Variants in SEC14L5 observed in about 807,000 individuals in gnomAD.
SEC14L5 encodes the protein SEC14-like protein 5.
Under a neutral mutation model 84.6 loss-of-function variants are expected in SEC14L5, and 96 were observed. That is an observed-to-expected ratio of 1.13 (90% CI 0.96 to 1.34). The LOEUF is 1.34. Ranked by LOEUF, SEC14L5 falls within the 40% of genes most tolerant of loss-of-function variation. The probability of loss-of-function intolerance (pLI) is 0.00; values close to 1 mark genes in which losing one functional copy is unlikely to be tolerated. For missense variants in SEC14L5, 1,224 were observed against 942.5 expected (o/e 1.30, Z -3.91); for synonymous variants, 546 against 383.4 (o/e 1.42, Z -4.95).
At chr16:4,993,385 G>T (rs1275883355) in intron 6 of SEC14L5, among the ~76,000 whole-genome samples, 1 of 152,150 alleles carries the variant, frequency 6.6e-6, no homozygotes, top group African/African-American at 2.4e-5. Context: ...GGGATTACAG[G>T]CATGTGCCAC....
At chr16:4,959,873 A>T (rs989662944) in intron 2 of SEC14L5, among the ~76,000 whole-genome samples, 2 of 152,188 alleles carry the variant, frequency 1.3e-5, no homozygotes, top group Non-Finnish European at 2.9e-5. Flanking sequence ...TAAGTTCTGT[A>T]TCTACGCAGA....
chr16:4,984,305 T>C (rs891152749), intron 2 of SEC14L5, among the ~76,000 whole-genome samples: 1 of 152,240 alleles, frequency 6.6e-6, no homozygotes, highest in Non-Finnish European at 1.5e-5. Context: ...TATTTTGTGA[T>C]TGGCTACTTG....
At position 5,014,988 on chromosome 16, in the gene SEC14L5, G is replaced by T; in HGVS notation, c.*18G>T. ...CCAGATAGCCGGGCCCAGTGTTTCA[G>T]GGCCGCCCGCTCGCCTCCAGTGTCC... On this transcript the variant is annotated 3_prime_UTR_variant, in exon 16 of 16. Coordinates refer to ENST00000251170, the MANE Select transcript of SEC14L5 (RefSeq NM_014692.2). 1 of 1,580,984 alleles carries T rather than the reference G, an allele frequency of 6.3e-7. No individual in the cohort carries two copies. Among genetic ancestry groups the T allele is most frequent in the Non-Finnish European group, 8.6e-7 (1 of 1,156,194 alleles).
Position 4,991,938 on chromosome 16 carries a change from G to C in SEC14L5, c.575G>C (p.Arg192Pro), listed in dbSNP as rs1285783063. 1.2e-6 allele frequency: 2 copies of C among 1,602,300 alleles called. No homozygotes were observed. The highest frequency in any genetic ancestry group is 8.5e-7 in the Non-Finnish European group (1 of 1,177,192). ...TPAPVREEDA[R>P]NQAGPRDPSS... ...GCCCCAGTCCGTGAGGAGGATGCCC[G>C]CAACCAGGCTGGACCGAGGGACCCC... is the stretch of plus-strand genomic sequence containing the variant. Residue 192 changes from arginine to proline, a missense_variant, in exon 6 of 16, where the codon CGC becomes CCC. Coordinates refer to ENST00000251170, the MANE Select transcript of SEC14L5 (RefSeq NM_014692.2).
In SEC14L5 at chr16:4,987,508, GT is replaced by G. The variant is rs758589438; in HGVS notation, c.64-48del. ...TAAGGAGGTCGCGCTGGGGGGGGGG[GT>G]CCCTCTGCCCCCCCCACCACGGCCG... On this transcript the variant is annotated intron_variant, in intron 2 of 15. Coordinates refer to ENST00000251170, the MANE Select transcript of SEC14L5 (RefSeq NM_014692.2). 488 of 1,445,124 alleles carry G rather than the reference GT, an allele frequency of 3.4e-4. 6 individuals carry two copies. In the African/African-American group the frequency reaches 6.5e-3, roughly 19 times the overall value. 89.5% of individuals were successfully genotyped at this position (1,445,124 alleles called of 1,614,324 possible).
chr16:4,969,032 G>T (rs558699758), intron 2 of SEC14L5, among the ~76,000 whole-genome samples: 1 of 152,324 alleles, frequency 6.6e-6, no homozygotes, highest in African/African-American at 2.4e-5. Flanking sequence ...CAAAGCGGCC[G>T]GGGCCTTATT....
chr16:4,995,784 G>A (rs1282814009), intron 6 of SEC14L5, among the ~76,000 whole-genome samples: 1 of 151,892 alleles, frequency 6.6e-6, no homozygotes, highest in Non-Finnish European at 1.5e-5. Context: ...GTGCCACCAC[G>A]CCTGGCTAAT....
At chr16:4,986,431 C>T (rs1837789809) in intron 2 of SEC14L5, among the ~76,000 whole-genome samples, 1 of 152,236 alleles carries the variant, frequency 6.6e-6, no homozygotes, top group African/African-American at 2.4e-5. Context: ...TGAGCCACCA[C>T]ACCTGGCCTG....
chr16:4,963,210 C>G (rs184255840), intron 2 of SEC14L5, among the ~76,000 whole-genome samples: 65 of 152,270 alleles, frequency 4.3e-4, no homozygotes, highest in African/African-American at 1.6e-3. Flanking sequence ...CTAGACCTGG[C>G]TTTAAACATT....
intron 2 of SEC14L5, 27 bp downstream of exon 2, chr16:4,959,413 C>T (rs1214433350): frequency 1.2e-6 from 2 of 1,607,010 alleles, no homozygotes; most frequent in Admixed American, 3.3e-5. Context: ...TCTTGGGCCC[C>T]CATGTGACAG....
chr16:4,976,117 G>A (rs1955335475), intron 2 of SEC14L5, among the ~76,000 whole-genome samples: 1 of 152,178 alleles, frequency 6.6e-6, no homozygotes, highest in Non-Finnish European at 1.5e-5. Flanking sequence ...TACTTAAATG[G>A]TGATGTAGAA....
At chr16:5,003,377 G>A (rs573368635) in intron 10 of SEC14L5, 25 bp from the exon 11 acceptor site, 109 of 1,601,652 alleles carry the variant, frequency 6.8e-5, no homozygotes, top group Non-Finnish European at 8.4e-5. Context: ...AGAGCCAGGT[G>A]GAGCTGGGGC....
At position 4,987,497 on chromosome 16, in the gene SEC14L5, T is replaced by TGGGCGGC. The variant is rs752674745; in HGVS notation, c.64-57_64-56insCGGCGGG. On this transcript the variant is annotated intron_variant, in intron 2 of 15. Coordinates refer to ENST00000251170, the MANE Select transcript of SEC14L5 (RefSeq NM_014692.2). The stretch of plus-strand genomic sequence containing the variant: ...GACACAGCAGATAAGGAGGTCGCGC[T>TGGGCGGC]GGGGGGGGGGGTCCCTCTGCCCCCC... The TGGGCGGC allele has an allele frequency of 2.8e-4, 316 of 1,142,468 alleles. 4 individuals are homozygous for TGGGCGGC. In the African/African-American group the frequency reaches 4.5e-3, roughly 16 times the overall value. 70.8% of individuals were successfully genotyped at this position (1,142,468 alleles called of 1,614,324 possible).
intron 8 of SEC14L5, among the ~76,000 whole-genome samples, chr16:4,998,457 G>A (rs928473515): frequency 2.6e-5 from 4 of 151,578 alleles, no homozygotes; most frequent in Non-Finnish European, 5.9e-5. Flanking sequence ...GTTCATCTAG[G>A]GCCGGGCGCG....
chr16:5,011,313 C>T (rs548984109), intron 15 of SEC14L5, 40 bp downstream of exon 15: 3 of 1,583,288 alleles, frequency 1.9e-6, no homozygotes, highest in Admixed American at 1.7e-5. Context: ...CAGGAAGGAC[C>T]CTGGGGCTGA....
At chr16:5,014,805 C>G (rs1320161953) in intron 15 of SEC14L5, 54 bp from the exon 16 acceptor site, 8 of 1,406,752 alleles carry the variant, frequency 5.7e-6, no homozygotes, top group Non-Finnish European at 8.0e-6. Flanking sequence ...GTGTGTCAGC[C>G]CAAGGGCCTT....
chr16:4,997,925 G>A (rs370018186), intron 8 of SEC14L5, among the ~76,000 whole-genome samples: 2 of 151,614 alleles, frequency 1.3e-5, no homozygotes, highest in South Asian at 2.1e-4. Context: ...TTGGATTTAG[G>A]GCTCACCCCA....
chr16:4,985,392 A>AT (rs1955473333), intron 2 of SEC14L5, among the ~76,000 whole-genome samples: 2 of 151,770 alleles, frequency 1.3e-5, no homozygotes, highest in African/African-American at 4.8e-5. Flanking sequence ...TGCCCAGCTA[A>AT]TTTTTTTCTA....
chr16:5,004,194 T>C (rs572746962), intron 11 of SEC14L5, among the ~76,000 whole-genome samples: 4 of 151,728 alleles, frequency 2.6e-5, no homozygotes, highest in East Asian at 1.9e-4. Flanking sequence ...TAGGGACCCA[T>C]GGAGGGTTCA....
Sources: allele counts gnomAD v4.1 joint callset (sites outside exome capture counted in the v4.1 genomes callset), GRCh38; gene constraint gnomAD v4.1.1; transcripts MANE v1.5; gene names NCBI Gene and HGNC (gene_info 2026-07-23, HGNC 2026-07-21).